Variants in TTLL4 observed in about 807,000 individuals in gnomAD.
TTLL4 encodes the protein tubulin monoglutamylase TTLL4.
TTLL4 carries 85 observed loss-of-function variants against 122.7 expected under a neutral mutation model. The observed-to-expected ratio is 0.69, with a 90% CI of 0.58 to 0.83. The LOEUF (loss-of-function observed/expected upper bound fraction) is 0.83, where lower values mean the gene tolerates loss of function less well. Among genes scored for constraint, TTLL4 ranks in the 40% least tolerant of loss-of-function variants. TTLL4 has a pLI of 0.00. For synonymous variants in TTLL4, 553 were observed against 563.0 expected (o/e 0.98, Z 0.25); for missense variants, 1,363 against 1,488.6 (o/e 0.92, Z 1.39).
chr2:218,754,751 G>A lies in TTLL4; in HGVS notation c.*362G>A, dbSNP rs1003485595. ...GTGTGGTTGCTGAGTTGTAGCTCAA[G>A]AGGAGAAAACATACAGAACATATTT... On this transcript the variant is annotated 3_prime_UTR_variant, in exon 20 of 20. Transcript: ENST00000392102. 6.8e-6 allele frequency: 2 copies of A among 293,632 alleles called. No individual in the cohort carries two copies. Among genetic ancestry groups the A allele is most frequent in the Non-Finnish European group, 1.3e-5 (2 of 155,792 alleles). 18.2% of individuals were successfully genotyped at this position (293,632 alleles called of 1,614,324 possible).
At chr2:218,730,797 C>T (rs1182402216) in intron 2 of TTLL4, among the ~76,000 whole-genome samples, 1 of 151,794 alleles carries the variant, frequency 6.6e-6, no homozygotes, top group Non-Finnish European at 1.5e-5. Flanking sequence ...ATTTAAAATA[C>T]TATCTGTTAC....
In TTLL4 at chr2:218,748,935, G is replaced by A. The variant is rs140794337; in HGVS notation, c.2600+1G>A. 4 of 1,613,970 alleles carry A rather than the reference G, an allele frequency of 2.5e-6. No homozygotes were observed. Among genetic ancestry groups the A allele is most frequent in the East Asian group, 4.5e-5 (2 of 44,882 alleles). ...ATGTTGTTGTCAAAACTATCATCTC[G>A]TGAGTCACATTGCCAACCTGGATGT... On this transcript the variant is annotated splice_donor_variant, in intron 13 of 19. Coordinates refer to ENST00000392102, the MANE Select transcript of TTLL4 (RefSeq NM_014640.5). LOFTEE classifies it high-confidence loss of function.
At chr2:218,729,747 T>TAAAAAA (rs1559361797) in intron 2 of TTLL4, among the ~76,000 whole-genome samples, 30 of 93,610 alleles carry the variant, frequency 3.2e-4, no homozygotes, top group South Asian at 8.1e-4. Context: ...CTCTCTCTTT[T>TAAAAAA]TAAAAAAAAA....
At chr2:218,758,351 T>C (rs1010227120), downstream of TTLL4, among the ~76,000 whole-genome samples, 2 of 152,190 alleles carry the variant, frequency 1.3e-5, no homozygotes, top group African/African-American at 2.4e-5. Context: ...AGAATAGTTA[T>C]GGGACTAAAA....
chr2:218,751,653 A>G, intron 15 of TTLL4, 51 bp from the exon 16 acceptor site: 1 of 1,590,256 alleles, frequency 6.3e-7, no homozygotes, highest in East Asian at 2.3e-5. Flanking sequence ...TTTCCTCCAA[A>G]TAAGAAGCTG....
At position 218,738,585 on chromosome 2, in the gene TTLL4, C is replaced by G. The variant is rs1287510384; in HGVS notation, c.909C>G (p.Ser303=). 2.5e-6 allele frequency: 4 copies of G among 1,614,114 alleles called. No individual in the cohort carries two copies. In the East Asian group the frequency reaches 8.9e-5, roughly 36 times the overall value. The change falls in exon 3 of 20, where the codon TCC becomes TCG. Residue 303 remains serine, a synonymous_variant. Transcript: ENST00000392102. Reference sequence around the variant, plus strand: ...CATCCACCACCAGTGTTGCCTCTTCCTGGTATAACCGGAATAACTTAGCCA... The same window carrying G: ...CATCCACCACCAGTGTTGCCTCTTCGTGGTATAACCGGAATAACTTAGCCA... ...HDTSTTSVAS[S]WYNRNNLAMR... is the part of the protein sequence containing the mutation.
chr2:218,755,720 G>A (rs1020799821), downstream of TTLL4, among the ~76,000 whole-genome samples: 4 of 152,280 alleles, frequency 2.6e-5, no homozygotes, highest in African/African-American at 9.6e-5. Flanking sequence ...TGCACATCAG[G>A]CAGAAAGCTC....
At position 218,754,628 on chromosome 2, in the gene TTLL4, TATCTC is replaced by T. The variant is rs1943115273; in HGVS notation, c.*241_*245del. ...ACCTGTCTGCCTGGCTGGCACCTCA[TATCTC>T]AGCAGAGAAGCCAGTGGTGGCCACG... On this transcript the variant is annotated 3_prime_UTR_variant, in exon 20 of 20. Coordinates refer to ENST00000392102, the MANE Select transcript of TTLL4 (RefSeq NM_014640.5). The T allele has an allele frequency of 6.6e-6, 4 of 601,890 alleles. No homozygotes were observed. The highest frequency in any genetic ancestry group is 3.1e-5 in the Admixed American group (1 of 32,680). 37.3% of individuals were successfully genotyped at this position (601,890 alleles called of 1,614,324 possible). A position where few individuals can be genotyped will look rare whatever the true frequency, so the allele number is the denominator to read the frequency against.
chr2:218,739,078 C>A lies in TTLL4; in HGVS notation c.1402C>A (p.Arg468Ser), dbSNP rs774276539. 1.9e-6 allele frequency: 3 copies of A among 1,614,124 alleles called. No individual in the cohort carries two copies. In the Admixed American group the frequency reaches 5.0e-5, roughly 27 times the overall value. The change falls in exon 3 of 20, where the codon CGC (arginine) becomes AGC (serine). Residue 468 changes from arginine to serine, a missense_variant. Arg to Ser is a moderately radical substitution (Grantham distance 110, BLOSUM62 -1). Transcript: ENST00000392102. ...TCTTGGCATAGCCAACGTGGCCACC[C>A]GCCTCTCTTCCATCCAGCTGGGCCA... is the stretch of plus-strand genomic sequence containing the variant. The part of the protein sequence containing the change: ...QTLGIANVAT[R>S]LSSIQLGQSE...
At position 218,721,750 on chromosome 2, in the gene TTLL4, G is replaced by T. The variant is rs117606234; in HGVS notation, c.-177-5519G>T. On this transcript the variant is annotated intron_variant, in intron 1 of 19. Coordinates refer to ENST00000392102, the MANE Select transcript of TTLL4 (RefSeq NM_014640.5). ...TTCTAGGGCTGGATACATAAGCTCT[G>T]TGAAAAAGTCCCTGTGCTCAAAGCT... 1.0e-3 allele frequency among the ~76,000 whole-genome samples: 159 copies of T among 152,290 alleles called. 2 individuals are homozygous for T. In the East Asian group the frequency reaches 0.026, roughly 25 times the overall value.
chr2:218,752,060 A>G (rs1943035417), intron 16 of TTLL4, among the ~76,000 whole-genome samples: 1 of 151,766 alleles, frequency 6.6e-6, no homozygotes, highest in Non-Finnish European at 1.5e-5. Context: ...GGCATGCACC[A>G]CCATACCCAG....
At chr2:218,730,924 T>G (rs929938861) in intron 2 of TTLL4, among the ~76,000 whole-genome samples, 5 of 151,958 alleles carry the variant, frequency 3.3e-5, no homozygotes, top group Admixed American at 3.3e-4. Flanking sequence ...GGCAACATAG[T>G]GGAACTCTAT....
chr2:218,734,144 G>T (rs1014629148), intron 2 of TTLL4, among the ~76,000 whole-genome samples: 1 of 152,106 alleles, frequency 6.6e-6, no homozygotes, highest in Admixed American at 6.5e-5. Flanking sequence ...GCTACTTATT[G>T]GTTATTTAAT....
chr2:218,722,794 G>T (rs1029558468), intron 1 of TTLL4, among the ~76,000 whole-genome samples: 1 of 152,232 alleles, frequency 6.6e-6, no homozygotes, highest in African/African-American at 2.4e-5. Flanking sequence ...GCTTGACTAA[G>T]GTAATGACAG....
rs137936408 is a variant in TTLL4 at position 218,738,979 on chromosome 2, C to A, written c.1303C>A (p.Pro435Thr). 4.2e-5 allele frequency: 67 copies of A among 1,614,088 alleles called. No individual in the cohort carries two copies. The African/African-American group carries it at 7.2e-4, about 17-fold the overall frequency. Residue 435 changes from proline (P) to threonine (T), a missense_variant, in exon 3 of 20, where the codon CCT (proline) becomes ACT (threonine). By Grantham distance (38) the Pro-to-Thr change is conservative (BLOSUM62 -1). This residue lies in a region of TTLL4 where 760 missense variants were observed against 808.4 expected (regional missense o/e 0.94). Coordinates refer to ENST00000392102, the MANE Select transcript of TTLL4 (RefSeq NM_014640.5). ...ASHASGLNHNPACESVIDSSA... is the reference protein window; with the variant it reads ...ASHASGLNHNTACESVIDSSA... ...ACATGCCAGTGGGCTCAATCACAAC[C>A]CTGCCTGTGAATCTGTAATTGACTC...
In TTLL4 at chr2:218,752,886, C is replaced by T. The variant is rs762633626; in HGVS notation, c.3100C>T (p.Arg1034Cys). Residue 1034 changes from arginine to cysteine, a missense_variant, in exon 17 of 20, where the codon CGC becomes TGC. Coordinates refer to ENST00000392102, the MANE Select transcript of TTLL4 (RefSeq NM_014640.5). ...AATTTTTCCTTCTCATATCTCCTCT[C>T]GCTATCTCCGCTTTTTTGAGCAGCC... is the stretch of plus-strand genomic sequence containing the variant. ...ERIFPSHISSRYLRFFEQPRY... is the reference protein window; with the variant it reads ...ERIFPSHISSCYLRFFEQPRY... 14 of 1,614,198 alleles carry T rather than the reference C, an allele frequency of 8.7e-6. No individual in the cohort carries two copies. The highest frequency in any genetic ancestry group is 6.7e-5 in the East Asian group (3 of 44,888).
intron 5 of TTLL4, among the ~76,000 whole-genome samples, chr2:218,743,112 C>G (rs954327731): frequency 6.6e-6 from 1 of 151,942 alleles, no homozygotes; most frequent in African/African-American, 2.4e-5. Context: ...CCACTGCACC[C>G]CAGCCTGGGT....
At chr2:218,714,775 C>A (rs1941810435) in intron 1 of TTLL4, among the ~76,000 whole-genome samples, 1 of 151,256 alleles carries the variant, frequency 6.6e-6, no homozygotes, top group Admixed American at 6.6e-5. Context: ...TCAATTTTTT[C>A]TTTTTAAATT....
chr2:218,725,896 A>G (rs925554350), intron 1 of TTLL4, among the ~76,000 whole-genome samples: 5 of 152,176 alleles, frequency 3.3e-5, no homozygotes, highest in Admixed American at 2.0e-4. Flanking sequence ...AGCTATTATT[A>G]TTTTTGACAA....
Sources: allele counts gnomAD v4.1 joint callset (sites outside exome capture counted in the v4.1 genomes callset), GRCh38; gene constraint gnomAD v4.1.1; regional missense constraint gnomAD v4.1.1; transcripts MANE v1.5; gene names NCBI Gene and HGNC (gene_info 2026-07-23, HGNC 2026-07-21).